The following C9orf152 variants were observed in gnomAD, a reference collection of about 807,000 sequenced individuals.
C9orf152 encodes chromosome 9 open reading frame 152.
C9orf152 carries 8 observed loss-of-function variants against 8.5 expected under a neutral mutation model. The ratio of observed to expected loss-of-function variants is 0.94; its 90% CI spans 0.55 to 1.70. The LOEUF (loss-of-function observed/expected upper bound fraction) is 1.70. Among genes scored for constraint, C9orf152 ranks in the 40% most tolerant of loss-of-function variants. The probability of loss-of-function intolerance (pLI) is 0.00; values close to 1 mark genes in which losing one functional copy is unlikely to be tolerated. For missense variants in C9orf152, 293 were observed against 286.2 expected, an observed-to-expected ratio of 1.02 and a Z score of -0.17; for synonymous variants, 109 against 113.0, an observed-to-expected ratio of 0.96 and a Z score of 0.22.
At chr9:110,204,239 A>G (rs1564358056) in intron 1 of C9orf152, among the ~76,000 whole-genome samples, 1 of 152,218 alleles carries the variant, frequency 6.6e-6, no homozygotes. Context: ...TTGGGGCTCC[A>G]CAGACTTCTG....
At chr9:110,202,783 G>A (rs1437796279) in intron 1 of C9orf152, among the ~76,000 whole-genome samples, 1 of 152,062 alleles carries the variant, frequency 6.6e-6, no homozygotes, top group African/African-American at 2.4e-5. Context: ...CCCTGGAGGT[G>A]ACAATGTGCA....
chr9:110,199,865 C>G lies in C9orf152; in HGVS notation c.*1083G>C, dbSNP rs1351283958. On this transcript the variant is annotated 3_prime_UTR_variant, in exon 2 of 2. Coordinates refer to ENST00000400613, the MANE Select transcript of C9orf152 (RefSeq NM_001012993.3). ...AGCATTACAAAAGCTAAACATTAAC[C>G]AGGAAATACAAGCTTTTTTCCCTAT... 1 of 152,126 alleles carries G rather than the reference C, an allele frequency of 6.6e-6. No individual in the cohort carries two copies. Among genetic ancestry groups the G allele is most frequent in the Non-Finnish European group, 1.5e-5 (1 of 68,026 alleles). The allele number at this position is 152,126 out of a possible 1,614,324, so 9.4% of individuals were successfully genotyped here.
intron 1 of C9orf152, among the ~76,000 whole-genome samples, chr9:110,202,634 A>G (rs1464640967): frequency 6.7e-6 from 1 of 150,320 alleles, no homozygotes; most frequent in East Asian, 1.9e-4. Flanking sequence ...TTCATTGTTA[A>G]CTCTTGGTGG....
chr9:110,207,497 G>A lies in C9orf152; in HGVS notation c.83C>T (p.Thr28Ile), dbSNP rs1263277095. The change falls in exon 1 of 2, where the codon ACT (threonine) becomes ATT (isoleucine). Residue 28 changes from threonine to isoleucine, a missense_variant. By Grantham distance (89) the Thr-to-Ile change is moderately conservative. Coordinates refer to ENST00000400613, the MANE Select transcript of C9orf152 (RefSeq NM_001012993.3). ...TGGGGGCCCTTTCCCAGGGGCCTGA[G>A]TCCTGGAGCCCTCAGCCATTAAGTG... ...RSHLMAEGSR[T>I]QAPGKGPPLS... 1 of 1,613,268 alleles carries A rather than the reference G, an allele frequency of 6.2e-7. No individual in the cohort carries two copies.
intron 1 of C9orf152, among the ~76,000 whole-genome samples, chr9:110,204,007 TCACTAGGAGA>T (rs1200003582): frequency 6.6e-6 from 1 of 152,118 alleles, no homozygotes; most frequent in East Asian, 1.9e-4. Context: ...CACCACTGAC[TCACTAGGAGA>T]CCCTAGGCCT....
chr9:110,204,029 C>T (rs1837248925), intron 1 of C9orf152, among the ~76,000 whole-genome samples: 1 of 152,174 alleles, frequency 6.6e-6, no homozygotes, highest in Non-Finnish European at 1.5e-5. Flanking sequence ...CCTAGGCCTC[C>T]ATTTCCTCAT....
At chr9:110,205,833 C>T (rs1380550282) in intron 1 of C9orf152, among the ~76,000 whole-genome samples, 1 of 152,080 alleles carries the variant, frequency 6.6e-6, no homozygotes, top group Non-Finnish European at 1.5e-5. Flanking sequence ...GTGGGTGGAT[C>T]ACCTGAGGTC....
rs571681638 is a variant in C9orf152 at position 110,200,873 on chromosome 9, T to G, written c.*75A>C. 276 of 1,437,106 alleles carry G rather than the reference T, an allele frequency of 1.9e-4. 1 individual carries two copies. Among genetic ancestry groups the G allele is most frequent in the Non-Finnish European group, 2.4e-4 (256 of 1,062,630 alleles). The allele number at this position is 1,437,106 out of a possible 1,614,324, so 89.0% of individuals were successfully genotyped here. A position where few individuals can be genotyped will look rare whatever the true frequency, so the allele number is the denominator to read the frequency against. The stretch of plus-strand genomic sequence containing the variant: ...TTGCTCATAGCTAGAGACCTCGTTG[T>G]GGCTCTGCCTCCTTGGTTCTTCTAT... On this transcript the variant is annotated 3_prime_UTR_variant, in exon 2 of 2. Transcript: ENST00000400613.
chr9:110,205,267 C>A lies in C9orf152; in HGVS notation c.193+2120G>T, dbSNP rs139038723. Among the ~76,000 whole-genome samples the A allele has an allele frequency of 1.5e-3, 225 of 150,498 alleles. 1 individual carries two copies. Among genetic ancestry groups the A allele is most frequent in the Middle Eastern group, 0.014 (4 of 292 alleles). On this transcript the variant is annotated intron_variant, in intron 1 of 1. Coordinates refer to ENST00000400613, the MANE Select transcript of C9orf152 (RefSeq NM_001012993.3). The stretch of plus-strand genomic sequence containing the variant: ...CAAGTTCATCTCTCTCTACAAAAAG[C>A]CTTTTTCTCCACAAAAAGCCTTTTT...
chr9:110,207,464 A>G lies in C9orf152; in HGVS notation c.116T>C (p.Ile39Thr), dbSNP rs1564358803. 1 of 1,613,430 alleles carries G rather than the reference A, an allele frequency of 6.2e-7. No homozygotes were observed. The highest frequency in any genetic ancestry group is 1.1e-5 in the South Asian group (1 of 90,958). ...QAPGKGPPLSIQFLRAQYEGL... is the reference protein window; with the variant it reads ...QAPGKGPPLSTQFLRAQYEGL... ...TTCATACTGGGCTCGCAGGAACTGGATGCTGAGTGGGGGCCCTTTCCCAGG... is the reference window on the plus strand; with the variant it reads ...TTCATACTGGGCTCGCAGGAACTGGGTGCTGAGTGGGGGCCCTTTCCCAGG... The change falls in exon 1 of 2, where the codon ATC becomes ACC. Residue 39 changes from isoleucine (I) to threonine (T), a missense_variant. Ile to Thr is a moderately conservative substitution (Grantham distance 89, BLOSUM62 -1). Coordinates refer to ENST00000400613, the MANE Select transcript of C9orf152 (RefSeq NM_001012993.3).
intron 1 of C9orf152, among the ~76,000 whole-genome samples, chr9:110,207,050 G>A (rs1310573643): frequency 6.6e-6 from 1 of 152,220 alleles, no homozygotes; most frequent in Admixed American, 6.5e-5. Context: ...CTGGTTTGTA[G>A]GAGGTGCCTT....
In C9orf152 at chr9:110,201,031, G is replaced by T. The variant is rs1837210834; in HGVS notation, c.637C>A (p.Pro213Thr). ...CTCTGGGGAAATGGATAGTAAGCTG[G>T]TTTGCCAGACCTGTGTGGGTTCTTT... ...SIKNPHRSGK[P>T]AYYPFPQRKT... Residue 213 changes from proline to threonine, a missense_variant, in exon 2 of 2, where the codon CCA becomes ACA. Transcript: ENST00000400613. The T allele has an allele frequency of 6.2e-7, 1 of 1,614,112 alleles. No homozygotes were observed. Among genetic ancestry groups the T allele is most frequent in the African/African-American group, 1.3e-5 (1 of 74,934 alleles).
intron 1 of C9orf152, 120 bp from the exon 2 acceptor site, chr9:110,201,594 T>G: frequency 1.4e-6 from 1 of 730,108 alleles, no homozygotes; most frequent in South Asian, 2.3e-5. Flanking sequence ...CTGGTACATT[T>G]CATGTGTGTA....
At position 110,204,779 on chromosome 9, in the gene C9orf152, C is replaced by T. The variant is rs1005750670; in HGVS notation, c.193+2608G>A. Among the ~76,000 whole-genome samples the T allele has an allele frequency of 4.6e-5, 7 of 152,144 alleles. No homozygotes were observed. The South Asian group carries it at 1.0e-3, about 22-fold the overall frequency. Reference sequence around the variant, plus strand: ...AATAACGCCCCACTTCCCCATGCCCCAGCCTCTGGCAACCACCATTCTGCT... The same window carrying T: ...AATAACGCCCCACTTCCCCATGCCCTAGCCTCTGGCAACCACCATTCTGCT... On this transcript the variant is annotated intron_variant, in intron 1 of 1. Coordinates refer to ENST00000400613, the MANE Select transcript of C9orf152 (RefSeq NM_001012993.3).
At chr9:110,202,854 A>G (rs1178562527) in intron 1 of C9orf152, among the ~76,000 whole-genome samples, 1 of 152,094 alleles carries the variant, frequency 6.6e-6, no homozygotes, top group Non-Finnish European at 1.5e-5. Context: ...CTGAGCTCCA[A>G]TTCAGGGATC....
chr9:110,204,380 C>A (rs570058425), intron 1 of C9orf152, among the ~76,000 whole-genome samples: 6 of 152,224 alleles, frequency 3.9e-5, no homozygotes, highest in South Asian at 2.1e-4. Flanking sequence ...ATTTCGGAGC[C>A]CTTCCTTTCA....
rs937574998 is a variant in C9orf152 at position 110,200,544 on chromosome 9, A to G, written c.*404T>C. 1 of 163,894 alleles carries G rather than the reference A, an allele frequency of 6.1e-6. No individual in the cohort carries two copies. The highest frequency in any genetic ancestry group is 2.4e-5 in the African/African-American group (1 of 41,858). 10.2% of individuals were successfully genotyped at this position (163,894 alleles called of 1,614,324 possible). On this transcript the variant is annotated 3_prime_UTR_variant, in exon 2 of 2. Coordinates refer to ENST00000400613, the MANE Select transcript of C9orf152 (RefSeq NM_001012993.3). ...GAAATCATCAGAAGACATTGAAAAC[A>G]AGAATGCCACGCCCATTGACCCCTG... is the stretch of plus-strand genomic sequence containing the variant.
chr9:110,201,012 G>A lies in C9orf152; in HGVS notation c.656C>T (p.Pro219Leu), dbSNP rs745387358. 4 of 1,614,148 alleles carry A rather than the reference G, an allele frequency of 2.5e-6. No homozygotes were observed. Among genetic ancestry groups the A allele is most frequent in the Non-Finnish European group, 3.4e-6 (4 of 1,180,036 alleles). The change falls in exon 2 of 2, where the codon CCC becomes CTC. Residue 219 changes from proline (P) to leucine (L), a missense_variant. Physicochemically the swap from Pro to Leu is moderately conservative, Grantham distance 98. Transcript: ENST00000400613. ...RSGKPAYYPF[P>L]QRKTPRISQA... is the part of the protein sequence containing the mutation. ...GGAGATCCTGGGTGTTTTCCTCTGG[G>A]GAAATGGATAGTAAGCTGGTTTGCC...
In C9orf152 at chr9:110,200,965, A is replaced by T. The variant is rs1297968163; in HGVS notation, c.703T>A (p.Leu235Ile). ...AGAAAGCTTCACGCTGAGCCATATA[A>T]GCCCAGGTTCCGGGCAGCTTGGGAG... ...RISQAARNLG[L>I]YGSA is the part of the protein sequence containing the mutation. The change falls in exon 2 of 2, where the codon TTA becomes ATA. Residue 235 changes from leucine (L) to isoleucine (I), a missense_variant. Physicochemically the swap from Leu to Ile is conservative, Grantham distance 5. Transcript: ENST00000400613. The T allele has an allele frequency of 6.2e-7, 1 of 1,610,818 alleles. No individual in the cohort carries two copies. Among genetic ancestry groups the T allele is most frequent in the Non-Finnish European group, 8.5e-7 (1 of 1,178,568 alleles).
Sources: gnomAD v4.1 joint callset for allele counts (sites outside exome capture counted in the v4.1 genomes callset) on GRCh38, gnomAD v4.1.1 for gene constraint, MANE v1.5 for transcripts, NCBI Gene and HGNC (gene_info 2026-07-23, HGNC 2026-07-21) for gene names.